The following LPP variants were observed in gnomAD, a reference collection of about 807,000 sequenced individuals.
LPP encodes lipoma-preferred partner.
A neutral mutation model predicts 60.4 loss-of-function variants in LPP; 38 were observed. The ratio of observed to expected loss-of-function variants is 0.63; its 90% CI spans 0.49 to 0.83. LPP has a LOEUF of 0.83. LPP is among the 40% of genes least tolerant of loss of function. The pLI is 0.00. For missense variants in LPP, 902 were observed against 783.6 expected (o/e 1.15, Z -1.80); for synonymous variants, 328 against 290.8 (o/e 1.13, Z -1.30).
chr3:188,526,848 G>A (rs993629286), intron 6 of LPP, among the ~76,000 whole-genome samples: 9 of 152,160 alleles, frequency 5.9e-5, no homozygotes, highest in Non-Finnish European at 1.2e-4. Context: ...AAGAGAAATA[G>A]GACTCCGTTG....
At chr3:188,674,469 T>C (rs1324397816) in intron 7 of LPP, among the ~76,000 whole-genome samples, 1 of 152,220 alleles carries the variant, frequency 6.6e-6, no homozygotes, top group Non-Finnish European at 1.5e-5. Context: ...TCTTTTAGCA[T>C]ACCACAATGT....
At chr3:188,772,577 C>T (rs1169554363) in intron 9 of LPP, among the ~76,000 whole-genome samples, 1 of 152,146 alleles carries the variant, frequency 6.6e-6, no homozygotes, top group Non-Finnish European at 1.5e-5. Flanking sequence ...TCACTGCAAC[C>T]TCTGCCTCCT....
chr3:188,522,998 C>A (rs1291601083), intron 5 of LPP, among the ~76,000 whole-genome samples: 3 of 151,786 alleles, frequency 2.0e-5, no homozygotes, highest in African/African-American at 7.3e-5. Flanking sequence ...ACCTCCGCCT[C>A]TAGGGCTCAA....
intron 2 of LPP, among the ~76,000 whole-genome samples, chr3:188,233,133 A>G (rs1446334442): frequency 6.6e-6 from 1 of 152,238 alleles, no homozygotes; most frequent in African/African-American, 2.4e-5. Flanking sequence ...AATAATTAAT[A>G]GCCTCAACAT....
chr3:188,426,954 G>T (rs151234763), intron 4 of LPP, among the ~76,000 whole-genome samples: 3,520 of 152,178 alleles, frequency 0.023, 126 homozygotes, highest in African/African-American at 0.08. Context: ...TGTTTACATT[G>T]AAGGTTAATA....
At chr3:188,284,690 C>T (rs1331172211) in intron 2 of LPP, among the ~76,000 whole-genome samples, 2 of 152,156 alleles carry the variant, frequency 1.3e-5, no homozygotes, top group African/African-American at 4.8e-5. Context: ...AGATCAGGGA[C>T]TTACCCAAGG....
intron 2 of LPP, among the ~76,000 whole-genome samples, chr3:188,276,898 T>C (rs1397533091): frequency 7.8e-6 from 1 of 128,054 alleles, no homozygotes; most frequent in Non-Finnish European, 1.6e-5. Context: ...TCTTTTCTTT[T>C]TTTTTTTTTT....
intron 4 of LPP, among the ~76,000 whole-genome samples, chr3:188,457,711 T>A (rs1437118444): frequency 7.4e-6 from 1 of 134,736 alleles, no homozygotes; most frequent in Admixed American, 8.2e-5. Context: ...GCTAACATGA[T>A]GAAACACTGT....
chr3:188,766,378 C>CAAAAAAAAA (rs142374028), intron 9 of LPP, among the ~76,000 whole-genome samples: 2 of 124,670 alleles, frequency 1.6e-5, no homozygotes, highest in African/African-American at 2.9e-5. Context: ...CCTTAAAAAG[C>CAAAAAAAAA]AAAAAAAAAA....
At position 188,305,472 on chromosome 3, in the gene LPP, T is replaced by A. The variant is rs1751223536; in HGVS notation, c.-66-36191T>A. Reference sequence around the variant, plus strand: ...ACCTGTACTAGAATCTGGAGGCAGGTTAATTCTGACAAGGTGAGTCCAGAG... The same window carrying A: ...ACCTGTACTAGAATCTGGAGGCAGGATAATTCTGACAAGGTGAGTCCAGAG... On this transcript the variant is annotated intron_variant, in intron 2 of 11. Transcript: ENST00000617246. Among the ~76,000 whole-genome samples the A allele has an allele frequency of 2.0e-5, 3 of 152,318 alleles. No individual in the cohort carries two copies. In the South Asian group the frequency reaches 6.2e-4, roughly 32 times the overall value.
intron 2 of LPP, among the ~76,000 whole-genome samples, chr3:188,327,696 A>T (rs1560253758): frequency 6.6e-6 from 1 of 152,182 alleles, no homozygotes; most frequent in Non-Finnish European, 1.5e-5. Flanking sequence ...TAGCAGCTAT[A>T]TAAAGATAGA....
intron 4 of LPP, among the ~76,000 whole-genome samples, chr3:188,435,489 G>A (rs934624875): frequency 2.0e-5 from 3 of 152,018 alleles, no homozygotes; most frequent in African/African-American, 7.2e-5. Context: ...AACACAAGGT[G>A]TTATATAATT....
chr3:188,724,598 C>T (rs983507742), intron 8 of LPP, among the ~76,000 whole-genome samples: 12 of 152,210 alleles, frequency 7.9e-5, no homozygotes, highest in African/African-American at 2.9e-4. Context: ...TAACAAAAGG[C>T]GATTTCTGAC....
At chr3:188,324,438 G>T (rs993958555) in intron 2 of LPP, among the ~76,000 whole-genome samples, 1 of 152,210 alleles carries the variant, frequency 6.6e-6, no homozygotes, top group South Asian at 2.1e-4. Context: ...AGCATCACCC[G>T]AAATGCGTCA....
At position 188,435,330 on chromosome 3, in the gene LPP, A is replaced by G. The variant is rs1179549684; in HGVS notation, c.193+29017A>G. Among the ~76,000 whole-genome samples, 4 of 152,150 alleles carry G rather than the reference A, an allele frequency of 2.6e-5. 1 individual carries two copies. In the East Asian group the frequency reaches 5.8e-4, roughly 22 times the overall value. ...ACAAGGGTTTACTTTTTACCACTAA[A>G]TATTCCTATTATTTTATAGCTGTTT... On this transcript the variant is annotated intron_variant, in intron 4 of 11. Transcript: ENST00000617246.
intron 3 of LPP, among the ~76,000 whole-genome samples, chr3:188,345,414 C>T (rs1050775786): frequency 1.1e-4 from 16 of 152,134 alleles, no homozygotes; most frequent in Non-Finnish European, 2.4e-4. Flanking sequence ...TCATCACTCT[C>T]CTCCACCCGC....
At chr3:188,294,164 G>A (rs1295848155) in intron 2 of LPP, among the ~76,000 whole-genome samples, 2 of 151,442 alleles carry the variant, frequency 1.3e-5, no homozygotes, top group African/African-American at 4.9e-5. Flanking sequence ...AGTCTGTAGC[G>A]ATAGAAAGTA....
rs772540018 is a variant in LPP, at chr3:188,177,216, G to A, written c.-190+22964G>A. On this transcript the variant is annotated intron_variant, in intron 1 of 11. Transcript: ENST00000617246. ...GGTGGGCCAGCCCAGCGAGGGGATC[G>A]CCTGCAATCCAGTAGAGATGCCCTC... 7.9e-5 allele frequency among the ~76,000 whole-genome samples: 12 copies of A among 152,330 alleles called. No individual in the cohort carries two copies. The South Asian group carries it at 1.7e-3, about 21-fold the overall frequency.
intron 10 of LPP, among the ~76,000 whole-genome samples, chr3:188,871,330 C>T (rs1768034758): frequency 6.6e-6 from 1 of 152,158 alleles, no homozygotes; most frequent in South Asian, 2.1e-4. Flanking sequence ...TGAATATAAA[C>T]TTCTTGCATA....
Sources: allele counts gnomAD v4.1 joint callset (sites outside exome capture counted in the v4.1 genomes callset), GRCh38; gene constraint gnomAD v4.1.1; transcripts MANE v1.5; gene names NCBI Gene and HGNC (gene_info 2026-07-23, HGNC 2026-07-21).